EEFSEC: variants seen among roughly 807,000 people sequenced by gnomAD.
EEFSEC encodes the protein eukaryotic elongation factor, selenocysteine-tRNA specific, also known as selenocysteine-specific elongation factor.
EEFSEC carries 43 observed loss-of-function variants against 42.1 expected under a neutral mutation model. That is an observed-to-expected ratio of 1.02 (90% CI 0.80 to 1.32). The LOEUF (loss-of-function observed/expected upper bound fraction) is 1.32. Ranked by LOEUF, EEFSEC falls within the 40% of genes most tolerant of loss-of-function variation. The pLI, the probability that EEFSEC is intolerant of heterozygous loss-of-function variation, is 0.00. For synonymous variants in EEFSEC, 354 were observed against 339.1 expected (o/e 1.04, Z -0.48); for missense variants, 745 against 803.6 (o/e 0.93, Z 0.88).
chr3:128,411,563 C>T (rs965895172), downstream of EEFSEC, among the ~76,000 whole-genome samples: 7 of 152,158 alleles, frequency 4.6e-5, no homozygotes, highest in African/African-American at 1.7e-4. Flanking sequence ...GGGCATGGGG[C>T]AGCAGTGCCC....
At position 128,153,732 on chromosome 3, in the gene EEFSEC, C is replaced by G. The variant is rs1415417032; in HGVS notation, c.225C>G (p.Pro75=). 51 of 1,550,244 alleles carry G rather than the reference C, an allele frequency of 3.3e-5. No homozygotes were observed. The highest frequency in any genetic ancestry group is 1.8e-4 in the Middle Eastern group (1 of 5,642). The change falls in exon 1 of 7, where the codon CCC becomes CCG. Residue 75 remains proline, a synonymous_variant. Transcript: ENST00000254730. ...CTTTGCCCGAGTTCCAGGCAGCGCC[C>G]GAGGCCGAGCCCGAGCCCGGCGAGC... is the stretch of plus-strand genomic sequence containing the variant. The part of the protein sequence containing the change: ...RSSLPEFQAA[P]EAEPEPGEPL...
intron 2 of EEFSEC, among the ~76,000 whole-genome samples, chr3:128,255,000 A>G (rs878880099): frequency 1.3e-5 from 2 of 152,238 alleles, no homozygotes; most frequent in Admixed American, 1.3e-4. Context: ...GTGACCATGC[A>G]GTCAGAGAGG....
chr3:128,223,368 T>C (rs888022869), intron 1 of EEFSEC, among the ~76,000 whole-genome samples: 1 of 152,210 alleles, frequency 6.6e-6, no homozygotes, highest in African/African-American at 2.4e-5. Flanking sequence ...TTATCTAACC[T>C]GAGGAGGTCA....
chr3:128,388,265 C>T (rs1008247251), intron 6 of EEFSEC, among the ~76,000 whole-genome samples: 2 of 152,210 alleles, frequency 1.3e-5, no homozygotes, highest in African/African-American at 2.4e-5. Flanking sequence ...CTCTTGCCCC[C>T]GCCTCCACTA....
At chr3:128,326,180 A>T (rs2067061577) in intron 4 of EEFSEC, among the ~76,000 whole-genome samples, 1 of 152,240 alleles carries the variant, frequency 6.6e-6, no homozygotes, top group Non-Finnish European at 1.5e-5. Flanking sequence ...CCTCAGAGTT[A>T]GGGCTGGTGC....
At chr3:128,339,754 G>A (rs2067229552) in intron 4 of EEFSEC, among the ~76,000 whole-genome samples, 2 of 152,242 alleles carry the variant, frequency 1.3e-5, no homozygotes, top group South Asian at 4.1e-4. Flanking sequence ...ACATACCCAA[G>A]ACTGGGTAAT....
intron 4 of EEFSEC, among the ~76,000 whole-genome samples, chr3:128,269,230 T>C (rs569317372): frequency 1.3e-5 from 2 of 152,366 alleles, no homozygotes; most frequent in East Asian, 3.9e-4. Flanking sequence ...GCCCTGGCCA[T>C]GTGCCCTGCT....
At chr3:128,187,009 G>A (rs1559860027) in intron 1 of EEFSEC, among the ~76,000 whole-genome samples, 1 of 152,190 alleles carries the variant, frequency 6.6e-6, no homozygotes, top group Non-Finnish European at 1.5e-5. Context: ...ATGGCCACAG[G>A]AGTGGTAGAA....
chr3:128,262,051 C>A (rs2066302402), intron 2 of EEFSEC, 77 bp from the exon 3 acceptor site: 3 of 1,375,152 alleles, frequency 2.2e-6, no homozygotes, highest in Non-Finnish European at 3.1e-6. Flanking sequence ...TGGTACTGTG[C>A]CAGGTGCTTC....
chr3:128,291,731 G>A (rs1364495480), intron 4 of EEFSEC, among the ~76,000 whole-genome samples: 1 of 152,134 alleles, frequency 6.6e-6, no homozygotes, highest in Non-Finnish European at 1.5e-5. Flanking sequence ...TTTGCAAACA[G>A]TTATGATATC....
chr3:128,306,017 G>A (rs1377212680), intron 4 of EEFSEC, among the ~76,000 whole-genome samples: 4 of 151,976 alleles, frequency 2.6e-5, no homozygotes, highest in East Asian at 3.9e-4. Flanking sequence ...TCTTTAACTC[G>A]AGTTATTTAA....
At chr3:128,356,037 G>A (rs1293620131) in intron 5 of EEFSEC, among the ~76,000 whole-genome samples, 2 of 152,256 alleles carry the variant, frequency 1.3e-5, no homozygotes, top group African/African-American at 4.8e-5. Context: ...AGGATCTGTC[G>A]CTGAGAAGTG....
rs1038846010 is a variant in EEFSEC at position 128,317,116 on chromosome 3, G to A, written c.787-24117G>A. On this transcript the variant is annotated intron_variant, in intron 4 of 6. Transcript: ENST00000254730. The surrounding 1 kb of genome is among the most constrained non-coding windows in gnomAD (Gnocchi z 4.1). Reference sequence around the variant, plus strand: ...TAGAAGACGTTCTGGCAGGCTGGGGGTTAGAGTTTTCCAAGCAGAGCCAGT... The same window carrying A: ...TAGAAGACGTTCTGGCAGGCTGGGGATTAGAGTTTTCCAAGCAGAGCCAGT... Among the ~76,000 whole-genome samples, 2 of 152,186 alleles carry A rather than the reference G, an allele frequency of 1.3e-5. No individual in the cohort carries two copies. The highest frequency in any genetic ancestry group is 1.9e-4 in the East Asian group (1 of 5,188).
intron 5 of EEFSEC, among the ~76,000 whole-genome samples, chr3:128,353,553 C>A (rs2067415070): frequency 6.6e-6 from 1 of 152,266 alleles, no homozygotes. Flanking sequence ...ACAACTGGGA[C>A]TAGCAGGGAT....
At chr3:128,161,662 T>C (rs2065188912) in intron 1 of EEFSEC, among the ~76,000 whole-genome samples, 1 of 152,224 alleles carries the variant, frequency 6.6e-6, no homozygotes, top group Non-Finnish European at 1.5e-5. Context: ...TTTGTAAAAC[T>C]TAAGCGACTT....
At chr3:128,365,909 C>T (rs991943660) in intron 6 of EEFSEC, among the ~76,000 whole-genome samples, 1 of 152,234 alleles carries the variant, frequency 6.6e-6, no homozygotes, top group African/African-American at 2.4e-5. Context: ...CGCTTTGCCT[C>T]AGCCGTTGGA....
At position 128,317,369 on chromosome 3, in the gene EEFSEC, C is replaced by T. The variant is rs966764846; in HGVS notation, c.787-23864C>T. The stretch of plus-strand genomic sequence containing the variant: ...CTCCGCCCCGCTGCTGGAGCTCAGA[C>T]GCTCACTCTGGCCTTTCCTACCCTC... On this transcript the variant is annotated intron_variant, in intron 4 of 6. Coordinates refer to ENST00000254730, the MANE Select transcript of EEFSEC (RefSeq NM_021937.5). This position sits in a 1 kb window ranked among gnomAD's most constrained non-coding sequence, Gnocchi z 4.1. Among the ~76,000 whole-genome samples, 1 of 152,230 alleles carries T rather than the reference C, an allele frequency of 6.6e-6. No individual in the cohort carries two copies. The highest frequency in any genetic ancestry group is 1.5e-5 in the Non-Finnish European group (1 of 68,028).
intron 6 of EEFSEC, chr3:128,367,800 C>T: frequency 1.0e-6 from 1 of 985,426 alleles, no homozygotes; most frequent in Non-Finnish European, 1.2e-6. Flanking sequence ...ACCAGCTCTA[C>T]AATAAGACTC....
intron 1 of EEFSEC, among the ~76,000 whole-genome samples, chr3:128,190,571 T>C (rs1437074156): frequency 6.6e-6 from 1 of 152,220 alleles, no homozygotes; most frequent in Non-Finnish European, 1.5e-5. Flanking sequence ...GTAAAAAAGT[T>C]ATAGTGAACT....
Sources: allele counts gnomAD v4.1 joint callset (sites outside exome capture counted in the v4.1 genomes callset), GRCh38; gene constraint gnomAD v4.1.1; non-coding constraint Gnocchi (gnomAD v3.1); transcripts MANE v1.5; gene names NCBI Gene and HGNC (gene_info 2026-07-23, HGNC 2026-07-21).